Variants in ANAPC2 observed in about 807,000 individuals in gnomAD.
ANAPC2 encodes anaphase-promoting complex subunit 2.
ANAPC2 carries 29 observed loss-of-function variants against 84.3 expected under a neutral mutation model. The observed-to-expected ratio is 0.34, with a 90% CI of 0.26 to 0.47. ANAPC2 has a LOEUF of 0.47. Ranked by LOEUF, ANAPC2 falls within the 20% of genes least tolerant of loss-of-function variation. The probability of loss-of-function intolerance (pLI) is 1.00; values close to 1 mark genes in which losing one functional copy is unlikely to be tolerated. For missense variants in ANAPC2, 857 were observed against 1,131.7 expected (o/e 0.76, Z 3.48); for synonymous variants, 571 against 479.4 (o/e 1.19, Z -2.50).
Position 137,183,208 on chromosome 9 carries a change from G to C in ANAPC2, c.1203C>G (p.Ile401Met). 1 of 1,613,238 alleles carries C rather than the reference G, an allele frequency of 6.2e-7. No individual in the cohort carries two copies. Among genetic ancestry groups the C allele is most frequent in the Non-Finnish European group, 8.5e-7 (1 of 1,179,954 alleles). ...VNTCDIITLYISAIKALRVLD... is the reference protein window; with the variant it reads ...VNTCDIITLYMSAIKALRVLD... ...GCACGCGCAGCGCCTTGATGGCAGA[G>C]ATATAGAGGGTGATGATGTCACACG... is the stretch of plus-strand genomic sequence containing the variant. The change falls in exon 6 of 13, where the codon ATC (isoleucine) becomes ATG (methionine). Residue 401 changes from isoleucine to methionine, a missense_variant. By Grantham distance (10) the Ile-to-Met change is conservative. This residue lies in a region of ANAPC2 where 425 missense variants were observed against 595.5 expected (regional missense o/e 0.71). Transcript: ENST00000323927.
Position 137,186,160 on chromosome 9 carries a change from C to G in ANAPC2, c.873+64G>C, listed in dbSNP as rs1015765262. 1.2e-5 allele frequency: 19 copies of G among 1,587,944 alleles called. No homozygotes were observed. The Middle Eastern group carries it at 9.0e-4, about 75-fold the overall frequency. On this transcript the variant is annotated intron_variant, in intron 3 of 12. Coordinates refer to ENST00000323927, the MANE Select transcript of ANAPC2 (RefSeq NM_013366.4). ...TCTGGATGCTTCTGAAGCCAGGTGT[C>G]AGGTTTGCCAGAAACCTACTCCCCT...
chr9:137,174,789 T>A lies in ANAPC2; in HGVS notation c.*153A>T. 1 of 1,422,650 alleles carries A rather than the reference T, an allele frequency of 7.0e-7. No homozygotes were observed. The highest frequency in any genetic ancestry group is 2.6e-5 in the East Asian group (1 of 39,054). The allele number at this position is 1,422,650 out of a possible 1,614,324, so 88.1% of individuals were successfully genotyped here. A position where few individuals can be genotyped will look rare whatever the true frequency, so the allele number is the denominator to read the frequency against. Reference sequence around the variant, plus strand: ...AAGCCACCAGGACAGAAAAGGATGATCTGACTTGCTTTAATCTGCACACTG... The same window carrying A: ...AAGCCACCAGGACAGAAAAGGATGAACTGACTTGCTTTAATCTGCACACTG... On this transcript the variant is annotated 3_prime_UTR_variant, in exon 13 of 13. Transcript: ENST00000323927. This position sits in a 1 kb window ranked among gnomAD's most constrained non-coding sequence, Gnocchi z 6.1.
rs150053006 is a variant in ANAPC2, at chr9:137,181,820, C to T, written c.1329G>A (p.Thr443=). The T allele has an allele frequency of 2.0e-3, 3,219 of 1,608,568 alleles. 7 individuals are homozygous for T. The highest frequency in any genetic ancestry group is 2.5e-3 in the Non-Finnish European group (2,909 of 1,179,908). The change falls in exon 7 of 13, where the codon ACG becomes ACA. Residue 443 remains threonine (T), a synonymous_variant. Coordinates refer to ENST00000323927, the MANE Select transcript of ANAPC2 (RefSeq NM_013366.4). ...GGTCCCCTGTCCCGTCCGAGTCCCC[C>T]GTCAGCCCAGCCACAATCTGCCGCA... ...DTVRQIVAGL[T]GDSDGTGDLA...
chr9:137,187,671 A>G lies in ANAPC2; in HGVS notation c.550T>C (p.Tyr184His). ...QRLYGCFLRVYMQSKRKGEGG... is the reference protein window; with the variant it reads ...QRLYGCFLRVHMQSKRKGEGG... ...TCCCCCTTCCTCTTACTCTGCATAT[A>G]GACTCTCAAGAAGCACCCATACAGA... Residue 184 changes from tyrosine to histidine, a missense_variant, in exon 2 of 13, where the codon TAT (tyrosine) becomes CAT (histidine). Coordinates refer to ENST00000323927, the MANE Select transcript of ANAPC2 (RefSeq NM_013366.4). 6.2e-7 allele frequency: 1 copy of G among 1,614,014 alleles called. No homozygotes were observed. The highest frequency in any genetic ancestry group is 8.5e-7 in the Non-Finnish European group (1 of 1,180,024).
At chr9:137,184,843 G>A in intron 4 of ANAPC2, 70 bp downstream of exon 4, 1 of 1,562,682 alleles carries the variant, frequency 6.4e-7, no homozygotes, top group Non-Finnish European at 8.6e-7. Flanking sequence ...AGACACAGAG[G>A]AGACACGGGG....
Position 137,188,537 on chromosome 9 carries a change from A to G in ANAPC2, c.-5T>C. The G allele has an allele frequency of 6.2e-7, 1 of 1,604,338 alleles. No homozygotes were observed. Among genetic ancestry groups the G allele is most frequent in the Non-Finnish European group, 8.5e-7 (1 of 1,177,712 alleles). On this transcript the variant is annotated 5_prime_UTR_variant, in exon 1 of 13. Coordinates refer to ENST00000323927, the MANE Select transcript of ANAPC2 (RefSeq NM_013366.4). ...CACCACAACTGCCGCCGCCATCTGC[A>G]CCCACCGACTCCGAGATTCGCTCGG...
In ANAPC2 at chr9:137,187,994, A is replaced by G. The variant is rs1834515010; in HGVS notation, c.227T>C (p.Val76Ala). Residue 76 changes from valine (V) to alanine (A), a missense_variant, in exon 2 of 13, where the codon GTG (valine) becomes GCG (alanine). By Grantham distance (64) the Val-to-Ala change is moderately conservative. Around this residue, in one of 3 missense-constraint regions of ANAPC2, gnomAD observed 428 missense variants for 513.8 expected, o/e 0.83. Coordinates refer to ENST00000323927, the MANE Select transcript of ANAPC2 (RefSeq NM_013366.4). ...CTGCAGATCGTTCTGCAGCACCTCC[A>G]CGAACCACTCCTCCAGGACCGAGTG... ...GLHSVLEEWF[V>A]EVLQNDLQAN... 6.2e-7 allele frequency: 1 copy of G among 1,613,744 alleles called. No individual in the cohort carries two copies. Among genetic ancestry groups the G allele is most frequent in the Admixed American group, 1.7e-5 (1 of 60,000 alleles).
chr9:137,175,962 C>T, intron 10 of ANAPC2, 125 bp from the exon 11 acceptor site: 2 of 1,266,732 alleles, frequency 1.6e-6, no homozygotes, highest in Non-Finnish European at 2.1e-6. Flanking sequence ...CCCTGGCAGG[C>T]AGGTGAGCAG....
At chr9:137,181,122 C>T (rs1273666717) in intron 7 of ANAPC2, among the ~76,000 whole-genome samples, 193 bp from the exon 8 acceptor site, 1 of 152,218 alleles carries the variant, frequency 6.6e-6, no homozygotes, top group Non-Finnish European at 1.5e-5. Context: ...AATCCCCAGC[C>T]CCTCTCACCC....
chr9:137,177,329 G>C lies in ANAPC2; in HGVS notation c.1891-1492C>G, dbSNP rs563420470. ...GGACTCGCTGTCCTTTTTCCTCCCA[G>C]TTTTCCCTTTTGGGGTGGGAATGTG... is the stretch of plus-strand genomic sequence containing the variant. On this transcript the variant is annotated intron_variant, in intron 10 of 12. Transcript: ENST00000323927. 8.0e-4 allele frequency among the ~76,000 whole-genome samples: 101 copies of C among 126,998 alleles called. 1 individual carries two copies. Among genetic ancestry groups the C allele is most frequent in the Admixed American group, 2.6e-3 (35 of 13,460 alleles). The allele number at this position is 126,998 out of a possible 152,430, so 83.3% of individuals were successfully genotyped here.
Position 137,180,790 on chromosome 9 carries a change from C to T in ANAPC2, c.1608G>A (p.Glu536=). 6.2e-7 allele frequency: 1 copy of T among 1,610,762 alleles called. No individual in the cohort carries two copies. Among genetic ancestry groups the T allele is most frequent in the South Asian group, 1.1e-5 (1 of 91,072 alleles). Residue 536 remains glutamate (E), a splice_region_variant and synonymous_variant, in exon 8 of 13, where the codon GAG becomes GAA. Coordinates refer to ENST00000323927, the MANE Select transcript of ANAPC2 (RefSeq NM_013366.4). The part of the protein sequence containing the change: ...RLLHQFSFSP[E]REIRNVELLK... Reference sequence around the variant, plus strand: ...GGCCAGCGCGTCACAGGCCTCACCGCTCGGGGCTGAAGCTGAACTGGTGCA... The same window carrying T: ...GGCCAGCGCGTCACAGGCCTCACCGTTCGGGGCTGAAGCTGAACTGGTGCA...
intron 10 of ANAPC2, chr9:137,176,421 CTT>C (rs1375802432): frequency 6.6e-6 from 1 of 152,326 alleles, no homozygotes; most frequent in Non-Finnish European, 1.5e-5. Flanking sequence ...GTTTGTGACA[CTT>C]TGTTACAGCA....
intron 2 of ANAPC2, 92 bp from the exon 3 acceptor site, chr9:137,186,448 A>G (rs1295736594): frequency 1.4e-6 from 2 of 1,467,050 alleles, no homozygotes; most frequent in Non-Finnish European, 1.8e-6. Flanking sequence ...CTGCCTGTAG[A>G]GTGCATGCAG....
At position 137,180,835 on chromosome 9, in the gene ANAPC2, C is replaced by A; in HGVS notation, c.1563G>T (p.Ser521=). 1 of 1,612,858 alleles carries A rather than the reference C, an allele frequency of 6.2e-7. No individual in the cohort carries two copies. The highest frequency in any genetic ancestry group is 1.1e-5 in the South Asian group (1 of 91,086). ...SKDLFINEYR[S]LLADRLLHQF... The stretch of plus-strand genomic sequence containing the variant: ...GGTGCAGCAGGCGGTCGGCCAGCAG[C>A]GAGCGGTACTCATTGATGAAGAGGT... The change falls in exon 8 of 13, where the codon TCG becomes TCT. Residue 521 remains serine (S), a synonymous_variant. Transcript: ENST00000323927.
chr9:137,185,165 A>C, intron 3 of ANAPC2, 78 bp from the exon 4 acceptor site: 1 of 1,382,834 alleles, frequency 7.2e-7, no homozygotes, highest in Non-Finnish European at 9.5e-7. Flanking sequence ...GAGGAGCCTC[A>C]CGGCCACCCA....
chr9:137,182,963 G>A lies in ANAPC2; in HGVS notation c.1286+162C>T, dbSNP rs77975991. 1.0e-2 allele frequency among the ~76,000 whole-genome samples: 1,518 copies of A among 152,356 alleles called. 21 individuals are homozygous for A. Among genetic ancestry groups the A allele is most frequent in the African/African-American group, 0.035 (1,438 of 41,574 alleles). On this transcript the variant is annotated intron_variant, in intron 6 of 12. Transcript: ENST00000323927. ...GACAGGTGCCCGGCACGGGCAAGAG[G>A]AAAGGAAAGAGCCTCGGGCCTGATC...
chr9:137,182,487 C>T (rs982108909), intron 6 of ANAPC2, among the ~76,000 whole-genome samples: 8 of 151,568 alleles, frequency 5.3e-5, no homozygotes, highest in East Asian at 1.9e-4. Flanking sequence ...CCAGCCTGGG[C>T]GAAAGAGTGA....
Position 137,186,259 on chromosome 9 carries a change from C to T in ANAPC2, c.838G>A (p.Glu280Lys), listed in dbSNP as rs747812185. 7 of 1,612,506 alleles carry T rather than the reference C, an allele frequency of 4.3e-6. No individual in the cohort carries two copies. The highest frequency in any genetic ancestry group is 1.7e-4 in the Middle Eastern group (1 of 5,806). Residue 280 changes from glutamate (E) to lysine (K), a missense_variant, in exon 3 of 13, where the codon GAG becomes AAG. Glu to Lys is a moderately conservative substitution (Grantham distance 56). Transcript: ENST00000323927. Reference protein sequence around the residue: ...RERMEDRCRGEYERSFLREFH... With the variant: ...RERMEDRCRGKYERSFLREFH... ...TCACGCAGGAAGGAGCGCTCGTACTCGCCCCGGCAACGGTCCTCCATCCTC... is the reference window on the plus strand; with the variant it reads ...TCACGCAGGAAGGAGCGCTCGTACTTGCCCCGGCAACGGTCCTCCATCCTC...
chr9:137,188,263 T>C (rs1243527668), intron 1 of ANAPC2, among the ~76,000 whole-genome samples, 153 bp downstream of exon 1: 4 of 152,182 alleles, frequency 2.6e-5, no homozygotes, highest in Non-Finnish European at 4.4e-5. Context: ...TCAGCGGAGC[T>C]GAACGAAACG....
Sources: gnomAD v4.1 joint callset for allele counts (sites outside exome capture counted in the v4.1 genomes callset) on GRCh38, gnomAD v4.1.1 for gene constraint, gnomAD v4.1.1 regional missense constraint, Gnocchi (gnomAD v3.1) non-coding constraint, MANE v1.5 for transcripts, NCBI Gene and HGNC (gene_info 2026-07-23, HGNC 2026-07-21) for gene names.